ANO10: variants seen among roughly 807,000 people sequenced by gnomAD.
ANO10 encodes the protein anoctamin 10, also known as anoctamin-10.
Under a neutral mutation model 74.7 loss-of-function variants are expected in ANO10, and 77 were observed. That is an observed-to-expected ratio of 1.03 (90% confidence interval 0.86 to 1.25). The LOEUF is 1.25. ANO10 is among the 50% of genes most tolerant of loss of function. The pLI is 0.00. For missense variants in ANO10, 721 were observed against 778.1 expected (o/e 0.93, Z 0.87); for synonymous variants, 279 against 284.9 (o/e 0.98, Z 0.21).
intron 1 of ANO10, among the ~76,000 whole-genome samples, chr3:43,658,552 C>T (rs2083884131): frequency 6.6e-6 from 1 of 152,038 alleles, no homozygotes; most frequent in African/African-American, 2.4e-5. Context: ...TCACTGCAAC[C>T]TCTGCCTCCT....
At chr3:43,512,574 T>C (rs138180736) in intron 11 of ANO10, among the ~76,000 whole-genome samples, 2 of 152,214 alleles carry the variant, frequency 1.3e-5, no homozygotes, top group East Asian at 3.9e-4. Context: ...ATATTACGTT[T>C]TGCAGTGGTG....
chr3:43,386,183 G>A (rs2092110394), intron 12 of ANO10, among the ~76,000 whole-genome samples: 1 of 152,156 alleles, frequency 6.6e-6, no homozygotes, highest in African/African-American at 2.4e-5. Context: ...AGGAGAGTAG[G>A]AGACCTGGTT....
intron 1 of ANO10, among the ~76,000 whole-genome samples, chr3:43,684,641 T>C (rs1196619349): frequency 6.6e-6 from 1 of 152,216 alleles, no homozygotes; most frequent in East Asian, 1.9e-4. Flanking sequence ...CGTATGTTTA[T>C]TGTGGCACTA....
chr3:43,504,570 AAC>A (rs565778175), intron 11 of ANO10, among the ~76,000 whole-genome samples: 58 of 152,250 alleles, frequency 3.8e-4, no homozygotes, highest in Middle Eastern at 3.4e-3. Context: ...TCATAAAAAA[AAC>A]AGATTAGTTT....
intron 12 of ANO10, among the ~76,000 whole-genome samples, chr3:43,428,063 T>A (rs1447208195): frequency 6.6e-6 from 1 of 151,850 alleles, no homozygotes. Flanking sequence ...AACCTTTTTT[T>A]TTTTGAGACA....
chr3:43,379,161 C>T (rs886120781), intron 12 of ANO10, among the ~76,000 whole-genome samples: 19 of 152,296 alleles, frequency 1.2e-4, no homozygotes, highest in Middle Eastern at 3.4e-3. Context: ...ACAATGCTGT[C>T]CCAGTTGGTG....
chr3:43,662,720 A>T (rs768458874), intron 1 of ANO10, among the ~76,000 whole-genome samples: 1 of 152,224 alleles, frequency 6.6e-6, no homozygotes, highest in Non-Finnish European at 1.5e-5. Context: ...ATCACCACCA[A>T]TCCCACAGAG....
intron 12 of ANO10, among the ~76,000 whole-genome samples, chr3:43,397,245 T>C (rs2092399777): frequency 6.6e-6 from 1 of 152,186 alleles, no homozygotes; most frequent in Non-Finnish European, 1.5e-5. Flanking sequence ...TTTTTATCTT[T>C]AGAAGTCAGG....
rs191298002 is a variant in ANO10 at position 43,376,819 on chromosome 3, T to A, written c.1915-9845A>T. ...ACTGTAACTAGATCTACAGGTGTGA[T>A]GTTATTTTGCAAACAGAAATGCGAA... is the stretch of plus-strand genomic sequence containing the variant. On this transcript the variant is annotated intron_variant, in intron 12 of 12. Transcript: ENST00000292246. Among the ~76,000 whole-genome samples, 553 of 152,334 alleles carry A rather than the reference T, an allele frequency of 3.6e-3. 4 individuals are homozygous for A. Among genetic ancestry groups the A allele is most frequent in the Non-Finnish European group, 6.5e-3 (441 of 68,030 alleles).
At chr3:43,414,967 C>CTTTTTTTTTTTTT (rs60554785) in intron 12 of ANO10, among the ~76,000 whole-genome samples, 6 of 66,594 alleles carry the variant, frequency 9.0e-5, no homozygotes, top group Admixed American at 2.4e-4. Flanking sequence ...TGTCATTGTG[C>CTTTTTTTTTTTTT]TTTTTTTTTT....
At chr3:43,415,971 T>C (rs1358470894) in intron 12 of ANO10, among the ~76,000 whole-genome samples, 1 of 151,174 alleles carries the variant, frequency 6.6e-6, no homozygotes, top group Non-Finnish European at 1.5e-5. Flanking sequence ...TTGTTAAAGA[T>C]GGCTTTCCAC....
chr3:43,378,971 A>G (rs1437394801), intron 12 of ANO10, among the ~76,000 whole-genome samples: 1 of 152,158 alleles, frequency 6.6e-6, no homozygotes, highest in African/African-American at 2.4e-5. Context: ...AACACCTTTC[A>G]TTTCACTTTA....
chr3:43,660,361 G>T (rs1475646451), intron 1 of ANO10, among the ~76,000 whole-genome samples: 1 of 152,056 alleles, frequency 6.6e-6, no homozygotes, highest in Non-Finnish European at 1.5e-5. Context: ...AAAAAGGTTA[G>T]ATCAAGCTAA....
chr3:43,546,327 T>C (rs1003560421), intron 11 of ANO10, among the ~76,000 whole-genome samples: 3 of 152,224 alleles, frequency 2.0e-5, no homozygotes, highest in Non-Finnish European at 4.4e-5. Flanking sequence ...ACAAAGTTAG[T>C]AGTCTCACAC....
At position 43,529,922 on chromosome 3, in the gene ANO10, C is replaced by A. The variant is rs866752944; in HGVS notation, c.1797+19798G>T. Among the ~76,000 whole-genome samples the A allele has an allele frequency of 8.6e-5, 13 of 152,014 alleles. 1 individual carries two copies. Among genetic ancestry groups the A allele is most frequent in the East Asian group, 7.7e-4 (4 of 5,172 alleles). ...TAAAATAATATGATAAAGTTGAGAC[C>A]AAACATATTCTGCATCTCAATTAAT... On this transcript the variant is annotated intron_variant, in intron 11 of 12. Coordinates refer to ENST00000292246, the MANE Select transcript of ANO10 (RefSeq NM_018075.5).
chr3:43,397,844 TTCTATC>T (rs2092410883), intron 12 of ANO10, among the ~76,000 whole-genome samples: 1 of 152,154 alleles, frequency 6.6e-6, no homozygotes, highest in South Asian at 2.1e-4. Flanking sequence ...ATAGTCTCTC[TTCTATC>T]TCTATCTCTC....
Position 43,525,543 on chromosome 3 carries a change from C to A in ANO10, c.1797+24177G>T, listed in dbSNP as rs994018180. Among the ~76,000 whole-genome samples, 44 of 152,226 alleles carry A rather than the reference C, an allele frequency of 2.9e-4. 1 individual carries two copies. The highest frequency in any genetic ancestry group is 1.3e-4 in the Admixed American group (2 of 15,276). ...CAAGTATCTGCTAAGTGAGCACCCC[C>A]ACGAGGCACAGTTAACCCCATGGTC... On this transcript the variant is annotated intron_variant, in intron 11 of 12. Coordinates refer to ENST00000292246, the MANE Select transcript of ANO10 (RefSeq NM_018075.5).
intron 1 of ANO10, among the ~76,000 whole-genome samples, chr3:43,670,964 G>C (rs1310641118): frequency 1.3e-5 from 2 of 152,166 alleles, no homozygotes; most frequent in East Asian, 1.9e-4. Context: ...CATCATGCTA[G>C]AGCATATGAT....
chr3:43,580,216 G>A, intron 5 of ANO10, 137 bp downstream of exon 5: 1 of 1,097,840 alleles, frequency 9.1e-7, no homozygotes, highest in Non-Finnish European at 1.4e-6. Context: ...CCATCAAAAT[G>A]TTTTCCCACA....
Sources: gnomAD v4.1 joint callset for allele counts (sites outside exome capture counted in the v4.1 genomes callset) on GRCh38, gnomAD v4.1.1 for gene constraint, MANE v1.5 for transcripts, NCBI Gene and HGNC (gene_info 2026-07-23, HGNC 2026-07-21) for gene names.